EYS: variants seen among roughly 807,000 people sequenced by gnomAD.
EYS encodes the protein EGF-like photoreceptor maintenance factor.
A neutral mutation model predicts 282.1 loss-of-function variants in EYS; 250 were observed. The ratio of observed to expected loss-of-function variants is 0.89; its 90% CI spans 0.80 to 0.98. The LOEUF is 0.98. EYS is among the 50% of genes least tolerant of loss of function. The pLI is 0.00. For synonymous variants in EYS, 1,355 were observed against 1,282.9 expected (o/e 1.06, Z -1.20); for missense variants, 4,016 against 3,709.0 (o/e 1.08, Z -2.15).
chr6:64,959,009 A>G (rs533915564), intron 14 of EYS, among the ~76,000 whole-genome samples: 4 of 152,210 alleles, frequency 2.6e-5, no homozygotes, highest in African/African-American at 9.6e-5. Flanking sequence ...ATTTTGTCTT[A>G]TGGTTAGCCA....
rs66462731 is a variant in EYS, at chr6:63,788,162, T to C, written c.7666A>G (p.Ser2556Gly). ...VFSQFYVGGYSEYTPDLLPNG... is the reference protein window; with the variant it reads ...VFSQFYVGGYGEYTPDLLPNG... ...GGTAAGAGATCTGGAGTGTATTCACTGTAGCCACCTACATAAAACTGACTG... is the reference window on the plus strand; with the variant it reads ...GGTAAGAGATCTGGAGTGTATTCACCGTAGCCACCTACATAAAACTGACTG... Residue 2556 changes from serine to glycine, a missense_variant, in exon 39 of 43, where the codon AGT (serine) becomes GGT (glycine). By Grantham distance (56) the Ser-to-Gly change is moderately conservative. Transcript: ENST00000503581. The C allele has an allele frequency of 1.1e-5, 17 of 1,549,120 alleles. No individual in the cohort carries two copies. The highest frequency in any genetic ancestry group is 1.5e-5 in the Non-Finnish European group (17 of 1,146,072).
At chr6:63,896,740 T>C (rs1773545703) in intron 35 of EYS, among the ~76,000 whole-genome samples, 1 of 152,244 alleles carries the variant, frequency 6.6e-6, no homozygotes, top group Non-Finnish European at 1.5e-5. Context: ...CCTCTGGCAA[T>C]CAATGATCTT....
chr6:65,269,754 G>A (rs1004328032), intron 12 of EYS, among the ~76,000 whole-genome samples: 3 of 152,062 alleles, frequency 2.0e-5, no homozygotes, highest in Admixed American at 6.6e-5. Context: ...CTCACTTCTC[G>A]TGCATCTTCA....
At chr6:65,358,995 T>A (rs1045332118) in intron 8 of EYS, among the ~76,000 whole-genome samples, 10 of 152,066 alleles carry the variant, frequency 6.6e-5, no homozygotes, top group Non-Finnish European at 1.3e-4. Context: ...TACACAAACA[T>A]GCCTTTGGAA....
At position 65,465,858 on chromosome 6, in the gene EYS, G is replaced by A. The variant is rs112949482; in HGVS notation, c.862+24736C>T. ...CAGCTGAATGTGTTGGCTGATCCCA[G>A]CTACTCATGAGGTTGTGGTGGGAGG... On this transcript the variant is annotated intron_variant, in intron 5 of 42. Transcript: ENST00000503581. Among the ~76,000 whole-genome samples the A allele has an allele frequency of 5.8e-3, 888 of 152,120 alleles. 11 individuals carry two copies. Among genetic ancestry groups the A allele is most frequent in the East Asian group, 0.035 (181 of 5,156 alleles).
intron 5 of EYS, 88 bp from the exon 6 acceptor site, chr6:65,405,455 A>C (rs1006759470): frequency 1.9e-6 from 2 of 1,047,700 alleles, no homozygotes; most frequent in African/African-American, 3.2e-5. Context: ...CATTCTAGAA[A>C]ATTTCTCTAG....
At chr6:65,439,651 T>G (rs1040003414) in intron 5 of EYS, among the ~76,000 whole-genome samples, 1 of 152,010 alleles carries the variant, frequency 6.6e-6, no homozygotes, top group Non-Finnish European at 1.5e-5. Flanking sequence ...CTCTCTGTTT[T>G]TCTGTTATTG....
At chr6:65,234,611 C>G (rs1312905022) in intron 12 of EYS, among the ~76,000 whole-genome samples, 1 of 152,146 alleles carries the variant, frequency 6.6e-6, no homozygotes, top group African/African-American at 2.4e-5. Context: ...TTACCAATCA[C>G]TACAGTTGAT....
intron 11 of EYS, among the ~76,000 whole-genome samples, chr6:65,299,484 A>C (rs886790859): frequency 1.3e-5 from 2 of 152,102 alleles, no homozygotes; most frequent in African/African-American, 4.8e-5. Context: ...GTTCTTAGGA[A>C]AGTGTCGCTT....
chr6:64,136,913 T>G (rs1774178770), intron 31 of EYS, among the ~76,000 whole-genome samples: 1 of 152,210 alleles, frequency 6.6e-6, no homozygotes, highest in African/African-American at 2.4e-5. Context: ...AAAGTCAGCC[T>G]ATCTTTTGAA....
At chr6:65,299,997 G>T (rs35233155) in intron 11 of EYS, among the ~76,000 whole-genome samples, 1 of 152,052 alleles carries the variant, frequency 6.6e-6, no homozygotes, top group Non-Finnish European at 1.5e-5. Context: ...TGTGTTTAGT[G>T]ATATCATTTG....
intron 22 of EYS, among the ~76,000 whole-genome samples, chr6:64,659,707 G>T (rs904991762): frequency 2.6e-5 from 4 of 151,960 alleles, no homozygotes; most frequent in African/African-American, 9.7e-5. Flanking sequence ...ATCTCTGAAT[G>T]GACCAATAAC....
At chr6:64,670,543 G>A (rs1769419095) in intron 22 of EYS, among the ~76,000 whole-genome samples, 1 of 152,058 alleles carries the variant, frequency 6.6e-6, no homozygotes, top group Admixed American at 6.6e-5. Context: ...AGCTTCAGTT[G>A]TTTACACTTC....
At chr6:64,965,667 A>C (rs1341197155) in intron 14 of EYS, among the ~76,000 whole-genome samples, 1 of 152,120 alleles carries the variant, frequency 6.6e-6, no homozygotes, top group South Asian at 2.1e-4. Context: ...TTTATTTTAT[A>C]GAGGTTATCA....
intron 5 of EYS, among the ~76,000 whole-genome samples, chr6:65,469,232 A>G (rs1002492491): frequency 2.0e-5 from 3 of 151,974 alleles, no homozygotes; most frequent in African/African-American, 7.2e-5. Context: ...ATCAAATTTT[A>G]TGAGTTCATA....
At chr6:63,927,660 T>G (rs1481532044) in intron 35 of EYS, among the ~76,000 whole-genome samples, 2 of 152,204 alleles carry the variant, frequency 1.3e-5, no homozygotes, top group Non-Finnish European at 2.9e-5. Flanking sequence ...TAACTTTAAC[T>G]CTGACATATT....
chr6:64,785,375 A>T (rs1313362560), intron 22 of EYS, among the ~76,000 whole-genome samples: 4 of 152,176 alleles, frequency 2.6e-5, no homozygotes, highest in Non-Finnish European at 4.4e-5. Context: ...AATATAGCCA[A>T]ATCTTGCTGG....
chr6:64,452,342 C>T (rs1029794250), intron 26 of EYS, among the ~76,000 whole-genome samples: 2 of 152,108 alleles, frequency 1.3e-5, no homozygotes, highest in African/African-American at 2.4e-5. Context: ...CAAACCACTG[C>T]TCAATTAAAT....
chr6:65,286,681 G>GGAA (rs778684654), intron 12 of EYS, among the ~76,000 whole-genome samples: 1 of 151,466 alleles, frequency 6.6e-6, no homozygotes, highest in Non-Finnish European at 1.5e-5. Flanking sequence ...GAATAAAAAG[G>GGAA]GAAGAAAAAC....
Sources: allele counts gnomAD v4.1 joint callset (sites outside exome capture counted in the v4.1 genomes callset), GRCh38; gene constraint gnomAD v4.1.1; transcripts MANE v1.5; gene names NCBI Gene and HGNC (gene_info 2026-07-23, HGNC 2026-07-21).